TPD52L2: variants seen among roughly 807,000 people sequenced by gnomAD.
TPD52L2 encodes TPD52 like 2.
A neutral mutation model predicts 24.7 loss-of-function variants in TPD52L2; 19 were observed. That is an observed-to-expected ratio of 0.77 (90% CI 0.54 to 1.13). TPD52L2 has a LOEUF of 1.13. Ranked by LOEUF, TPD52L2 falls within the 50% of genes most tolerant of loss-of-function variation. The pLI, the probability that TPD52L2 is intolerant of heterozygous loss-of-function variation, is 0.00. For missense variants in TPD52L2, 236 were observed against 250.4 expected, an observed-to-expected ratio of 0.94 and a Z score of 0.39; for synonymous variants, 104 against 100.2, an observed-to-expected ratio of 1.04 and a Z score of -0.23.
At chr20:63,878,146 T>A (rs2052761989) in intron 4 of TPD52L2, among the ~76,000 whole-genome samples, 1 of 152,224 alleles carries the variant, frequency 6.6e-6, no homozygotes, top group Non-Finnish European at 1.5e-5. Flanking sequence ...GGGAAGGCAG[T>A]AAAAGCTCCC....
chr20:63,885,315 C>T (rs577690543), intron 5 of TPD52L2, among the ~76,000 whole-genome samples: 15 of 152,272 alleles, frequency 9.9e-5, no homozygotes, highest in South Asian at 4.1e-4. Flanking sequence ...GTCAGGTCAC[C>T]GTCTGACTCC....
intron 5 of TPD52L2, chr20:63,885,983 C>T (rs776358219): frequency 6.3e-5 from 101 of 1,613,528 alleles, no homozygotes; most frequent in South Asian, 2.6e-4. Flanking sequence ...GCTTACACTT[C>T]GTTTCCTCTT....
intron 1 of TPD52L2, among the ~76,000 whole-genome samples, chr20:63,866,953 ACT>A (rs2052269600): frequency 1.4e-5 from 2 of 140,548 alleles, no homozygotes; most frequent in Non-Finnish European, 1.5e-5. Context: ...TGGTCTTTCT[ACT>A]TTTTTTTTTT....
rs753633327 is a variant in TPD52L2 at position 63,873,650 on chromosome 20, C to T, written c.166-18C>T. ...CTGCAGTAGTGATGGCTCATCATGT[C>T]AACTGCATGCTTTGCAGGTGGAAGA... On this transcript the variant is annotated intron_variant, in intron 2 of 6. Coordinates refer to ENST00000346249, the MANE Select transcript of TPD52L2 (RefSeq NM_003288.4). 9.3e-5 allele frequency: 149 copies of T among 1,610,386 alleles called. No individual in the cohort carries two copies. The highest frequency in any genetic ancestry group is 1.1e-4 in the Non-Finnish European group (131 of 1,178,684).
At chr20:63,871,588 A>T (rs2052466753) in intron 2 of TPD52L2, among the ~76,000 whole-genome samples, 1 of 149,086 alleles carries the variant, frequency 6.7e-6, no homozygotes, top group South Asian at 2.1e-4. Flanking sequence ...GACCTCAGGT[A>T]ATCTGCCTGC....
rs2053271365 is a variant in TPD52L2, at chr20:63,889,969, C to T, written c.*24C>T. On this transcript the variant is annotated 3_prime_UTR_variant, in exon 7 of 7. Transcript: ENST00000346249. ...AAGCCTGTGGTTGCTTCACCCGCTG[C>T]AGAGCACACGCAACCCAGCCTCAGC... 5 of 1,613,554 alleles carry T rather than the reference C, an allele frequency of 3.1e-6. No individual in the cohort carries two copies. The highest frequency in any genetic ancestry group is 4.2e-6 in the Non-Finnish European group (5 of 1,179,974).
At chr20:63,871,790 C>T (rs748967312) in intron 2 of TPD52L2, among the ~76,000 whole-genome samples, 56 of 151,352 alleles carry the variant, frequency 3.7e-4, no homozygotes, top group Middle Eastern at 3.4e-3. Context: ...CATGCCACCA[C>T]GCCTGGCTAA....
chr20:63,870,147 T>A (rs1158706264), intron 2 of TPD52L2, among the ~76,000 whole-genome samples: 1 of 152,200 alleles, frequency 6.6e-6, no homozygotes, highest in African/African-American at 2.4e-5. Context: ...CAAAAACTTC[T>A]TTTCTAAAAA....
intron 3 of TPD52L2, among the ~76,000 whole-genome samples, chr20:63,874,555 A>G (rs564788568): frequency 1.3e-5 from 2 of 151,906 alleles, no homozygotes; most frequent in East Asian, 3.9e-4. Context: ...TTCACGTTTT[A>G]TAGAGACAGG....
rs1216262471 is a variant in TPD52L2 at position 63,891,101 on chromosome 20, C to T, written c.*1156C>T. Reference sequence around the variant, plus strand: ...TCTCAGGAGCTACAAAGATCTCTTCCTGTTACTAAATAGTCGCACCCCAGC... The same window carrying T: ...TCTCAGGAGCTACAAAGATCTCTTCTTGTTACTAAATAGTCGCACCCCAGC... On this transcript the variant is annotated 3_prime_UTR_variant, in exon 7 of 7. Transcript: ENST00000346249. This position sits in a 1 kb window ranked among gnomAD's most constrained non-coding sequence, Gnocchi z 4.7. 6.5e-6 allele frequency: 1 copy of T among 152,788 alleles called. No homozygotes were observed. The highest frequency in any genetic ancestry group is 1.5e-5 in the Non-Finnish European group (1 of 68,076). The allele number at this position is 152,788 out of a possible 1,614,324, so 9.5% of individuals were successfully genotyped here.
chr20:63,890,034 G>A lies in TPD52L2; in HGVS notation c.*89G>A, dbSNP rs769847483. ...TCTGTTCAGCGGAGCAGCCAGCCAG[G>A]GCGGATGAGCAGAGCCGGCCCTGAG... On this transcript the variant is annotated 3_prime_UTR_variant, in exon 7 of 7. Transcript: ENST00000346249. 6.3e-7 allele frequency: 1 copy of A among 1,582,874 alleles called. No homozygotes were observed. Among genetic ancestry groups the A allele is most frequent in the African/African-American group, 1.3e-5 (1 of 74,416 alleles).
intron 4 of TPD52L2, chr20:63,876,942 G>A (rs1358369111): frequency 2.2e-6 from 1 of 454,644 alleles, no homozygotes. Flanking sequence ...GCGGTTTGTG[G>A]GCATGGCTAC....
At chr20:63,865,423 C>G in intron 1 of TPD52L2, 39 bp downstream of exon 1, 3 of 1,512,890 alleles carry the variant, frequency 2.0e-6, no homozygotes, top group South Asian at 1.2e-5. Context: ...CAGATGGGCC[C>G]AGGCTGCCCG....
In TPD52L2 at chr20:63,889,127, G is replaced by A. The variant is rs113842605; in HGVS notation, c.477-63G>A. 12,615 of 1,484,006 alleles carry A rather than the reference G, an allele frequency of 8.5e-3. 75 individuals are homozygous for A. The highest frequency in any genetic ancestry group is 0.01 in the Non-Finnish European group (10,944 of 1,064,898). The allele number at this position is 1,484,006 out of a possible 1,614,324, so 91.9% of individuals were successfully genotyped here. A position where few individuals can be genotyped will look rare whatever the true frequency, so the allele number is the denominator to read the frequency against. On this transcript the variant is annotated intron_variant, in intron 5 of 6. Transcript: ENST00000346249. Reference sequence around the variant, plus strand: ...CTGGCCCTAACCCTGAGGCCCTTCCGAGTTAGGAGAGCAGCACAACCCTCT... The same window carrying A: ...CTGGCCCTAACCCTGAGGCCCTTCCAAGTTAGGAGAGCAGCACAACCCTCT...
intron 4 of TPD52L2, among the ~76,000 whole-genome samples, chr20:63,880,687 G>A (rs187633691): frequency 6.8e-4 from 103 of 152,076 alleles, no homozygotes; most frequent in African/African-American, 2.3e-3. Context: ...TCAGGAGATC[G>A]AGACCATCCT....
intron 4 of TPD52L2, among the ~76,000 whole-genome samples, chr20:63,879,181 G>A (rs1193883919): frequency 6.6e-6 from 1 of 152,220 alleles, no homozygotes; most frequent in African/African-American, 2.4e-5. Context: ...CTATGCAGGT[G>A]ATGCCCATTG....
intron 5 of TPD52L2, chr20:63,887,767 C>G: frequency 1.4e-6 from 1 of 706,418 alleles, no homozygotes; most frequent in Non-Finnish European, 2.4e-6. Context: ...AAAACCCCCT[C>G]TAGGCTGACG....
In TPD52L2 at chr20:63,890,007, G is replaced by A. The variant is rs1281139975; in HGVS notation, c.*62G>A. The A allele has an allele frequency of 1.9e-6, 3 of 1,604,944 alleles. No individual in the cohort carries two copies. The African/African-American group carries it at 4.0e-5, about 21-fold the overall frequency. On this transcript the variant is annotated 3_prime_UTR_variant, in exon 7 of 7. Coordinates refer to ENST00000346249, the MANE Select transcript of TPD52L2 (RefSeq NM_003288.4). ...ACCCAGCCTCAGCATCACAGCCGCA[G>A]CTCTGTTCAGCGGAGCAGCCAGCCA...
chr20:63,889,325 G>A, intron 6 of TPD52L2, 87 bp downstream of exon 6: 1 of 1,147,586 alleles, frequency 8.7e-7, no homozygotes, highest in East Asian at 2.5e-5. Flanking sequence ...AGTTATGGTA[G>A]ACTCACATAC....
Sources: allele counts gnomAD v4.1 joint callset (sites outside exome capture counted in the v4.1 genomes callset), GRCh38; gene constraint gnomAD v4.1.1; non-coding constraint Gnocchi (gnomAD v3.1); transcripts MANE v1.5; gene names NCBI Gene and HGNC (gene_info 2026-07-23, HGNC 2026-07-21).